ARMC2: variants seen among roughly 807,000 people sequenced by gnomAD.
ARMC2 encodes the protein armadillo repeat containing 2.
ARMC2 carries 67 observed loss-of-function variants against 90.3 expected under a neutral mutation model. The observed-to-expected ratio is 0.74, with a 90% CI of 0.61 to 0.91. The LOEUF (loss-of-function observed/expected upper bound fraction) is 0.91. Ranked by LOEUF, ARMC2 falls within the 40% of genes least tolerant of loss-of-function variation. ARMC2 has a pLI of 0.00. For synonymous variants in ARMC2, 393 were observed against 393.0 expected (o/e 1.00, Z 0.00); for missense variants, 920 against 1,030.9 (o/e 0.89, Z 1.47).
intron 17 of ARMC2, among the ~76,000 whole-genome samples, chr6:108,966,123 G>A (rs934840758): frequency 2.1e-5 from 3 of 144,598 alleles, no homozygotes; most frequent in Non-Finnish European, 1.5e-5. Context: ...CTAGATCCAG[G>A]AGGCCATGTG....
At chr6:108,930,706 C>T (rs770368739) in intron 11 of ARMC2, among the ~76,000 whole-genome samples, 1 of 150,366 alleles carries the variant, frequency 6.7e-6, no homozygotes, top group Non-Finnish European at 1.5e-5. Flanking sequence ...ATGCCATTCT[C>T]CTGCCTCAGC....
At position 108,964,241 on chromosome 6, in the gene ARMC2, T is replaced by C; in HGVS notation, c.2214T>C (p.Cys738=). The C allele has an allele frequency of 6.2e-7, 1 of 1,613,994 alleles. No homozygotes were observed. Among genetic ancestry groups the C allele is most frequent in the Non-Finnish European group, 8.5e-7 (1 of 1,179,868 alleles). ...ATCAGGATATCTGCTTTTCTGCCTG[T>C]GGTGTTCTCCTCAATCTCACTGTGG... ...AQHQDICFSA[C]GVLLNLTVDK... Residue 738 remains cysteine, a synonymous_variant, in exon 16 of 18, where the codon TGT becomes TGC. Transcript: ENST00000392644.
chr6:108,953,470 A>G lies in ARMC2; in HGVS notation c.1915+119A>G, dbSNP rs1428540233. On this transcript the variant is annotated intron_variant, in intron 13 of 17. Coordinates refer to ENST00000392644, the MANE Select transcript of ARMC2 (RefSeq NM_032131.6). ...TATCACAAGTGGCTCCCTATGAGAA[A>G]GTCTTAGCTGTATGAAGGAAATTCC... is the stretch of plus-strand genomic sequence containing the variant. The G allele has an allele frequency of 3.0e-5, 31 of 1,025,996 alleles. No homozygotes were observed. In the South Asian group the frequency reaches 4.3e-4, roughly 14 times the overall value. The allele number at this position is 1,025,996 out of a possible 1,614,324, so 63.6% of individuals were successfully genotyped here. A position where few individuals can be genotyped will look rare whatever the true frequency, so the allele number is the denominator to read the frequency against.
Position 108,964,223 on chromosome 6 carries a change from T to G in ARMC2, c.2196T>G (p.Asp732Glu). 1 of 1,613,988 alleles carries G rather than the reference T, an allele frequency of 6.2e-7. No individual in the cohort carries two copies. Among genetic ancestry groups the G allele is most frequent in the Non-Finnish European group, 8.5e-7 (1 of 1,179,866 alleles). Residue 732 changes from aspartate to glutamate, a missense_variant, in exon 16 of 18, where the codon GAT becomes GAG. Coordinates refer to ENST00000392644, the MANE Select transcript of ARMC2 (RefSeq NM_032131.6). Reference protein sequence around the residue: ...MMALLDAQHQDICFSACGVLL... With the variant: ...MMALLDAQHQEICFSACGVLL... ...CGCTGCTGGATGCTCAGCATCAGGATATCTGCTTTTCTGCCTGTGGTGTTC... is the reference window on the plus strand; with the variant it reads ...CGCTGCTGGATGCTCAGCATCAGGAGATCTGCTTTTCTGCCTGTGGTGTTC...
At chr6:108,903,863 G>T (rs1772402744) in intron 7 of ARMC2, among the ~76,000 whole-genome samples, 1 of 152,302 alleles carries the variant, frequency 6.6e-6, no homozygotes, top group East Asian at 1.9e-4. Flanking sequence ...AGAGTTGAAG[G>T]TCAAGATGCA....
At chr6:109,009,537 CTCAG>C in the ARMC2 span, 1 of 1,152,616 alleles carries the variant, frequency 8.7e-7, no homozygotes, top group Admixed American at 5.1e-5. Context: ...GCTGCAGCGC[CTCAG>C]TCAGCACGGA....
At chr6:109,006,136 A>T in the ARMC2 span, among the ~76,000 whole-genome samples, 1 of 152,194 alleles carries the variant, frequency 6.6e-6, no homozygotes, top group African/African-American at 2.4e-5. Flanking sequence ...CTACCTGTAA[A>T]CAAAGAACAT....
intron 8 of ARMC2, among the ~76,000 whole-genome samples, chr6:108,908,086 C>T (rs1157409683): frequency 6.6e-6 from 1 of 152,184 alleles, no homozygotes; most frequent in Non-Finnish European, 1.5e-5. Context: ...CTTCACTGTG[C>T]ACATGCATCC....
At chr6:108,926,580 C>T (rs1218147916) in intron 10 of ARMC2, among the ~76,000 whole-genome samples, 1 of 152,126 alleles carries the variant, frequency 6.6e-6, no homozygotes, top group Non-Finnish European at 1.5e-5. Flanking sequence ...CAAAAATTAG[C>T]CAGACATGGT....
intron 17 of ARMC2, among the ~76,000 whole-genome samples, chr6:108,969,401 T>C (rs536012859): frequency 1.4e-5 from 2 of 145,240 alleles, no homozygotes; most frequent in African/African-American, 2.7e-5. Flanking sequence ...TGACCATTGA[T>C]ACATATTTAT....
the ARMC2 span, among the ~76,000 whole-genome samples, chr6:109,051,005 T>A: frequency 2.0e-5 from 3 of 152,210 alleles, no homozygotes; most frequent in Non-Finnish European, 4.4e-5. Context: ...TGACTTCAAG[T>A]AAGAAGGGCT....
At chr6:109,045,761 A>G in the ARMC2 span, among the ~76,000 whole-genome samples, 1 of 152,166 alleles carries the variant, frequency 6.6e-6, no homozygotes. Context: ...AGTATATACC[A>G]TAACTGCCTG....
chr6:108,961,554 A>T lies in ARMC2; in HGVS notation c.1916-18A>T. On this transcript the variant is annotated intron_variant, in intron 13 of 17. Coordinates refer to ENST00000392644, the MANE Select transcript of ARMC2 (RefSeq NM_032131.6). ...CCTGCAGTGGGTCTTTGACTCCCTT[A>T]TCCTTACTTCATTTCAGAATACAAG... The T allele has an allele frequency of 6.3e-7, 1 of 1,594,102 alleles. No homozygotes were observed.
Position 108,854,225 on chromosome 6 carries a change from G to T in ARMC2, c.-43G>T. ...TGGTTTTTGTACCATGTATTTGCAGGGTGTGGTGTCTATCTGAAGAATATT... is the reference window on the plus strand; with the variant it reads ...TGGTTTTTGTACCATGTATTTGCAGTGTGTGGTGTCTATCTGAAGAATATT... On this transcript the variant is annotated splice_region_variant and 5_prime_UTR_variant, in exon 2 of 18. Transcript: ENST00000392644. 1 of 1,433,804 alleles carries T rather than the reference G, an allele frequency of 7.0e-7. No homozygotes were observed. Among genetic ancestry groups the T allele is most frequent in the Non-Finnish European group, 9.6e-7 (1 of 1,041,716 alleles). 88.8% of individuals were successfully genotyped at this position (1,433,804 alleles called of 1,614,324 possible). A position where few individuals can be genotyped will look rare whatever the true frequency, so the allele number is the denominator to read the frequency against.
chr6:108,982,876 G>A, the ARMC2 span, among the ~76,000 whole-genome samples: 2 of 148,646 alleles, frequency 1.3e-5, no homozygotes, highest in Non-Finnish European at 1.5e-5. Context: ...CATGGAGTAC[G>A]GTGGCGCGAT....
chr6:109,010,661 G>A, the ARMC2 span, among the ~76,000 whole-genome samples: 1 of 151,062 alleles, frequency 6.6e-6, no homozygotes, highest in Non-Finnish European at 1.5e-5. Context: ...TAATAAATAA[G>A]ATAAATGATA....
the ARMC2 span, chr6:109,001,581 A>C: frequency 9.0e-7 from 1 of 1,109,570 alleles, no homozygotes; most frequent in Non-Finnish European, 1.3e-6. Flanking sequence ...TATCATTTAG[A>C]AGCAGATTAA....
chr6:108,891,991 T>G (rs1771087615), intron 5 of ARMC2, among the ~76,000 whole-genome samples: 1 of 152,232 alleles, frequency 6.6e-6, no homozygotes, highest in Admixed American at 6.5e-5. Flanking sequence ...ACACTTCATT[T>G]TTTCCCCTAG....
In ARMC2 at chr6:108,854,485, G is replaced by A; in HGVS notation, c.218G>A (p.Ser73Asn). Residue 73 changes from serine to asparagine, a missense_variant and splice_region_variant, in exon 2 of 18, where the codon AGC becomes AAC. Transcript: ENST00000392644. The stretch of plus-strand genomic sequence containing the variant: ...GAAAATAGACCTCCTTCCTCCTTCA[G>A]GTATATGGCATTTCACATTCATGTT... ...TSENRPPSSF[S>N]LHASSFESSD... The A allele has an allele frequency of 6.2e-7, 1 of 1,611,828 alleles. No homozygotes were observed. Among genetic ancestry groups the A allele is most frequent in the Non-Finnish European group, 8.5e-7 (1 of 1,178,270 alleles).
Sources: allele counts gnomAD v4.1 joint callset (sites outside exome capture counted in the v4.1 genomes callset), GRCh38; gene constraint gnomAD v4.1.1; transcripts MANE v1.5; gene names NCBI Gene and HGNC (gene_info 2026-07-23, HGNC 2026-07-21).